Variants in HPSE2 observed in about 807,000 individuals in gnomAD.
HPSE2 encodes inactive heparanase-2.
Under a neutral mutation model 60.5 loss-of-function variants are expected in HPSE2, and 38 were observed. That is an observed-to-expected ratio of 0.63 (90% CI 0.48 to 0.82). The LOEUF is 0.82. Ranked by LOEUF, HPSE2 falls within the 40% of genes least tolerant of loss-of-function variation. The pLI, the probability that HPSE2 is intolerant of heterozygous loss-of-function variation, is 0.00. For missense variants in HPSE2, 713 were observed against 740.4 expected, an observed-to-expected ratio of 0.96 and a Z score of 0.43; for synonymous variants, 295 against 293.2, an observed-to-expected ratio of 1.01 and a Z score of -0.06.
chr10:99,163,661 A>T (rs1846939026), intron 2 of HPSE2, among the ~76,000 whole-genome samples: 1 of 152,122 alleles, frequency 6.6e-6, no homozygotes, highest in Non-Finnish European at 1.5e-5. Flanking sequence ...TTTCTACTAG[A>T]ACTATTTTCT....
At chr10:98,997,174 G>C (rs540427069) in intron 3 of HPSE2, among the ~76,000 whole-genome samples, 10 of 148,394 alleles carry the variant, frequency 6.7e-5, no homozygotes, top group African/African-American at 2.5e-4. Flanking sequence ...GTGCAGTGGA[G>C]CGATCTCAGC....
chr10:99,096,500 C>T (rs1843722094), intron 3 of HPSE2, among the ~76,000 whole-genome samples: 1 of 152,086 alleles, frequency 6.6e-6, no homozygotes, highest in African/African-American at 2.4e-5. Context: ...ATAAGAATGT[C>T]CTAAATATGT....
At chr10:99,094,944 T>C (rs913740687) in intron 3 of HPSE2, among the ~76,000 whole-genome samples, 2 of 152,052 alleles carry the variant, frequency 1.3e-5, no homozygotes, top group Non-Finnish European at 2.9e-5. Context: ...TCCCAGCACT[T>C]TGGGAGGCCA....
At chr10:98,547,919 T>C (rs1016068736) in intron 9 of HPSE2, among the ~76,000 whole-genome samples, 4 of 152,132 alleles carry the variant, frequency 2.6e-5, no homozygotes, top group Admixed American at 2.0e-4. Context: ...TCAGAATTAC[T>C]TGAACTAGAC....
chr10:99,313,458 G>A, the HPSE2 span, among the ~76,000 whole-genome samples: 2 of 152,132 alleles, frequency 1.3e-5, no homozygotes, highest in African/African-American at 4.8e-5. Context: ...GATAAGCAAA[G>A]AAAGCTATTT....
intron 3 of HPSE2, among the ~76,000 whole-genome samples, chr10:98,900,562 T>C (rs1050955696): frequency 5.9e-5 from 9 of 152,326 alleles, no homozygotes; most frequent in African/African-American, 2.2e-4. Context: ...ATATATGATA[T>C]GCCAAAACTT....
At chr10:98,646,292 T>A (rs561029843) in intron 6 of HPSE2, among the ~76,000 whole-genome samples, 5 of 149,500 alleles carry the variant, frequency 3.3e-5, no homozygotes, top group East Asian at 2.0e-4. Flanking sequence ...CTAAAAATGA[T>A]GATAATGGTG....
chr10:99,288,748 C>CAAAA, the HPSE2 span, among the ~76,000 whole-genome samples: 1,669 of 73,492 alleles, frequency 0.023, no homozygotes, highest in African/African-American at 0.039. Context: ...CAGCCTCAAG[C>CAAAA]AAAAAAAAAA....
intron 2 of HPSE2, among the ~76,000 whole-genome samples, chr10:99,184,882 T>C (rs1209392105): frequency 1.7e-4 from 19 of 109,404 alleles, no homozygotes; most frequent in Non-Finnish European, 1.8e-5. Context: ...ACTGAAAAAA[T>C]GATGTAACAG....
chr10:98,460,217 A>C (rs1457634981), intron 11 of HPSE2, among the ~76,000 whole-genome samples: 3 of 152,246 alleles, frequency 2.0e-5, no homozygotes, highest in Non-Finnish European at 4.4e-5. Flanking sequence ...AAATCTATTT[A>C]ACTCATATCT....
intron 3 of HPSE2, among the ~76,000 whole-genome samples, chr10:98,848,543 T>G (rs1212310483): frequency 6.6e-6 from 1 of 152,192 alleles, no homozygotes; most frequent in Non-Finnish European, 1.5e-5. Flanking sequence ...GCTTACTGTT[T>G]ATATTCTGGT....
At chr10:98,801,207 C>CCT (rs1237125538) in intron 3 of HPSE2, among the ~76,000 whole-genome samples, 1 of 152,036 alleles carries the variant, frequency 6.6e-6, no homozygotes, top group Non-Finnish European at 1.5e-5. Context: ...AAGGAACATG[C>CCT]CTCAACACAT....
chr10:99,254,999 C>T, the HPSE2 span, among the ~76,000 whole-genome samples: 1 of 151,902 alleles, frequency 6.6e-6, no homozygotes, highest in African/African-American at 2.4e-5. Flanking sequence ...TGGAGATGAC[C>T]ATAAAAATCC....
At chr10:98,936,671 T>C (rs1263629722) in intron 3 of HPSE2, among the ~76,000 whole-genome samples, 8 of 143,300 alleles carry the variant, frequency 5.6e-5, no homozygotes, top group Non-Finnish European at 9.0e-5. Context: ...CCATAAAGCC[T>C]AAAATACTTA....
chr10:99,037,797 T>C (rs573702876), intron 3 of HPSE2, among the ~76,000 whole-genome samples: 17 of 151,814 alleles, frequency 1.1e-4, no homozygotes, highest in Middle Eastern at 6.8e-3. Context: ...GTAAAGAAAA[T>C]AGCATTATAA....
intron 9 of HPSE2, among the ~76,000 whole-genome samples, chr10:98,511,037 C>T (rs1942372964): frequency 6.6e-6 from 1 of 152,108 alleles, no homozygotes; most frequent in African/African-American, 2.4e-5. Context: ...ACTTCAGTTT[C>T]CTCATCAGGA....
chr10:99,002,282 A>G (rs990081718), intron 3 of HPSE2, among the ~76,000 whole-genome samples: 2 of 152,178 alleles, frequency 1.3e-5, no homozygotes, highest in African/African-American at 4.8e-5. Flanking sequence ...TGATGTAGAT[A>G]TTCCATCCTC....
At chr10:99,157,851 C>T (rs1385328673) in intron 2 of HPSE2, among the ~76,000 whole-genome samples, 1 of 119,432 alleles carries the variant, frequency 8.4e-6, no homozygotes, top group African/African-American at 2.7e-5. Context: ...GCAACCTACT[C>T]ATCTGACAAA....
chr10:99,025,349 G>A (rs569010533), intron 3 of HPSE2, among the ~76,000 whole-genome samples: 1 of 152,228 alleles, frequency 6.6e-6, no homozygotes, highest in East Asian at 1.9e-4. Flanking sequence ...CCATTACTGG[G>A]TATATACCCA....
Sources: gnomAD v4.1 joint callset for allele counts (sites outside exome capture counted in the v4.1 genomes callset) on GRCh38, gnomAD v4.1.1 for gene constraint, MANE v1.5 for transcripts, NCBI Gene and HGNC (gene_info 2026-07-23, HGNC 2026-07-21) for gene names.